Variants in GCFC2 observed in about 807,000 individuals in gnomAD.
GCFC2 encodes GC-rich sequence DNA-binding factor 2, also known as intron Large complex component GCFC2.
A neutral mutation model predicts 99.4 loss-of-function variants in GCFC2; 102 were observed. That is an observed-to-expected ratio of 1.03 (90% CI 0.87 to 1.21). The LOEUF (loss-of-function observed/expected upper bound fraction) is 1.21, where lower values mean the gene tolerates loss of function less well. Among genes scored for constraint, GCFC2 ranks in the 50% most tolerant of loss-of-function variants. GCFC2 has a pLI of 0.00. For missense variants in GCFC2, 973 were observed against 920.9 expected (o/e 1.06, Z -0.73); for synonymous variants, 338 against 316.8 (o/e 1.07, Z -0.71).
chr2:75,679,121 C>T (rs1679464158), intron 12 of GCFC2, among the ~76,000 whole-genome samples: 1 of 152,200 alleles, frequency 6.6e-6, no homozygotes, highest in African/African-American at 2.4e-5. Flanking sequence ...TTTTCACTTC[C>T]AGTTTTAAGT....
At chr2:75,713,061 A>AT (rs927250284), upstream of GCFC2, among the ~76,000 whole-genome samples, 1 of 151,628 alleles carries the variant, frequency 6.6e-6, no homozygotes, top group Non-Finnish European at 1.5e-5. Flanking sequence ...TAGCCCCGGA[A>AT]TTTTTTTTTC....
chr2:75,673,437 C>T lies in GCFC2; in HGVS notation c.1889+7G>A, dbSNP rs192144643. On this transcript the variant is annotated splice_region_variant and intron_variant, in intron 13 of 16. Transcript: ENST00000321027. ...TTTCCAACAATCTAGAAATTAACAG[C>T]GCTTACCTCTTTGGATACAGAGGAA... 2.8e-4 allele frequency: 344 copies of T among 1,239,638 alleles called. No individual in the cohort carries two copies. Among genetic ancestry groups the T allele is most frequent in the Non-Finnish European group, 3.9e-4 (325 of 840,328 alleles). The allele number at this position is 1,239,638 out of a possible 1,614,324, so 76.8% of individuals were successfully genotyped here. A position where few individuals can be genotyped will look rare whatever the true frequency, so the allele number is the denominator to read the frequency against.
chr2:75,673,655 C>A, intron 12 of GCFC2, 135 bp from the exon 13 acceptor site: 1 of 603,170 alleles, frequency 1.7e-6, no homozygotes, highest in Non-Finnish European at 3.0e-6. Context: ...CAATTGGGTA[C>A]AAAAAAAACC....
Position 75,690,665 on chromosome 2 carries a change from C to G in GCFC2, c.1199G>C (p.Trp400Ser), listed in dbSNP as rs1290310150. Residue 400 changes from tryptophan to serine, a missense_variant, in exon 8 of 17, where the codon TGG becomes TCG. Trp to Ser is a radical substitution (Grantham distance 177). Transcript: ENST00000321027. ...TCGAGATTCAATCTCTTCTAAAATC[C>G]ACTGAGTTTTTTCATCTACTGAGAA... ...GNFSVDEKTQ[W>S]ILEEIESRRT... is the part of the protein sequence containing the mutation. 1.3e-6 allele frequency: 2 copies of G among 1,552,148 alleles called. No individual in the cohort carries two copies. The highest frequency in any genetic ancestry group is 1.8e-6 in the Non-Finnish European group (2 of 1,128,444).
chr2:75,673,183 G>A (rs191354792), intron 13 of GCFC2, among the ~76,000 whole-genome samples: 1,544 of 152,178 alleles, frequency 0.01, 13 homozygotes, highest in Non-Finnish European at 0.014. Flanking sequence ...GGTGGCGGGC[G>A]CCTGTAGTCC....
intron 5 of GCFC2, among the ~76,000 whole-genome samples, chr2:75,695,806 G>C (rs1322294603): frequency 6.6e-6 from 1 of 152,218 alleles, no homozygotes; most frequent in African/African-American, 2.4e-5. Context: ...CTAACAGGCT[G>C]CTGGCTTACA....
Position 75,666,055 on chromosome 2 carries a change from T to A in GCFC2, c.2104-2A>T. ...TTTTTCTGGTAGACATGCTGCTACC[T>A]GTTAATCAAAACACATGGCTGGTTT... On this transcript the variant is annotated splice_acceptor_variant, in intron 15 of 16. Transcript: ENST00000321027. LOFTEE classifies it high-confidence loss of function. The A allele has an allele frequency of 6.3e-7, 1 of 1,599,954 alleles. No homozygotes were observed. Among genetic ancestry groups the A allele is most frequent in the South Asian group, 1.1e-5 (1 of 88,564 alleles).
intron 12 of GCFC2, among the ~76,000 whole-genome samples, chr2:75,678,240 T>C (rs79487373): frequency 0.01 from 1,538 of 152,318 alleles, 15 homozygotes; most frequent in South Asian, 0.029. Context: ...CAATACTATA[T>C]GGAAAGCAAA....
At chr2:75,709,405 G>A (rs530408468) in intron 1 of GCFC2, among the ~76,000 whole-genome samples, 1 of 152,280 alleles carries the variant, frequency 6.6e-6, no homozygotes, top group Admixed American at 6.5e-5. Context: ...AAGAAATCAC[G>A]AAGATCATAA....
At chr2:75,671,036 C>G (rs955336204) in intron 14 of GCFC2, among the ~76,000 whole-genome samples, 3 of 152,196 alleles carry the variant, frequency 2.0e-5, no homozygotes, top group African/African-American at 7.2e-5. Flanking sequence ...CTATATCCTT[C>G]TAATTGTCAA....
intron 16 of GCFC2, 84 bp downstream of exon 16, chr2:75,665,845 A>G: frequency 1.2e-6 from 1 of 852,112 alleles, no homozygotes; most frequent in South Asian, 2.6e-5. Flanking sequence ...AGTACAGTAA[A>G]AATACAAATC....
rs543394600 is a variant in GCFC2, at chr2:75,667,037, C to T, written c.2104-984G>A. Among the ~76,000 whole-genome samples the T allele has an allele frequency of 3.9e-4, 59 of 152,230 alleles. 1 individual carries two copies. The South Asian group carries it at 4.8e-3, about 12-fold the overall frequency. On this transcript the variant is annotated intron_variant, in intron 15 of 16. Coordinates refer to ENST00000321027, the MANE Select transcript of GCFC2 (RefSeq NM_003203.5). The stretch of plus-strand genomic sequence containing the variant: ...GGGACTAGGGTCTGGAAAGCTTTCT[C>T]GAGAGTCTTGGAAAGTTTCTTAATC...
At chr2:75,678,664 C>A (rs1679447981) in intron 12 of GCFC2, among the ~76,000 whole-genome samples, 1 of 152,190 alleles carries the variant, frequency 6.6e-6, no homozygotes, top group South Asian at 2.1e-4. Context: ...TAGAGGCAGA[C>A]TATCCAAGTT....
Position 75,695,423 on chromosome 2 carries a change from G to GT in GCFC2, c.833+776dup, listed in dbSNP as rs562946903. Among the ~76,000 whole-genome samples the GT allele has an allele frequency of 1.5e-3, 234 of 152,088 alleles. 2 individuals are homozygous for GT. Among genetic ancestry groups the GT allele is most frequent in the Non-Finnish European group, 2.7e-3 (183 of 67,988 alleles). On this transcript the variant is annotated intron_variant, in intron 5 of 16. Coordinates refer to ENST00000321027, the MANE Select transcript of GCFC2 (RefSeq NM_003203.5). Reference sequence around the variant, plus strand: ...AACAACTATATGGACAAACATGATAGTTTTTTTAAAAAAATTAAAGGCTTT... The same window carrying GT: ...AACAACTATATGGACAAACATGATAGTTTTTTTTAAAAAAATTAAAGGCTTT...
intron 3 of GCFC2, 104 bp from the exon 4 acceptor site, chr2:75,701,391 G>T (rs559163316): frequency 3.1e-6 from 2 of 649,824 alleles, no homozygotes; most frequent in South Asian, 1.9e-5. Flanking sequence ...ACCACTTGAC[G>T]TGTTATTTAT....
chr2:75,694,886 C>A (rs532753408), intron 5 of GCFC2, among the ~76,000 whole-genome samples: 1 of 151,884 alleles, frequency 6.6e-6, no homozygotes, highest in East Asian at 1.9e-4. Flanking sequence ...TACATATAGA[C>A]CACTTCTGGA....
Position 75,687,931 on chromosome 2 carries a change from T to C in GCFC2, c.1586A>G (p.Glu529Gly). Residue 529 changes from glutamate (E) to glycine (G), a missense_variant, in exon 11 of 17, where the codon GAA becomes GGA. Physicochemically the swap from Glu to Gly is moderately conservative, Grantham distance 98 (BLOSUM62 -2). Coordinates refer to ENST00000321027, the MANE Select transcript of GCFC2 (RefSeq NM_003203.5). ...TTCCACACTGCTATCCATAAATTCT[T>C]CTACAGATTTGAACCATGGCATCTC... is the stretch of plus-strand genomic sequence containing the variant. ...LKEMPWFKSVEEFMDSSVEDS... is the reference protein window; with the variant it reads ...LKEMPWFKSVGEFMDSSVEDS... 6.2e-7 allele frequency: 1 copy of C among 1,602,424 alleles called. No homozygotes were observed. Among genetic ancestry groups the C allele is most frequent in the East Asian group, 2.2e-5 (1 of 44,730 alleles).
chr2:75,675,741 C>CAAAAA (rs1206357027), intron 12 of GCFC2, among the ~76,000 whole-genome samples: 6 of 70,280 alleles, frequency 8.5e-5, no homozygotes, highest in Non-Finnish European at 1.1e-4. Flanking sequence ...AAGGTTCTGT[C>CAAAAA]AAAAAAAAAA....
chr2:75,667,284 G>C (rs1309167764), intron 15 of GCFC2, among the ~76,000 whole-genome samples: 1 of 151,446 alleles, frequency 6.6e-6, no homozygotes, highest in East Asian at 1.9e-4. Flanking sequence ...ATGGAAACCT[G>C]GCCTGTCACA....
Sources: gnomAD v4.1 joint callset for allele counts (sites outside exome capture counted in the v4.1 genomes callset) on GRCh38, gnomAD v4.1.1 for gene constraint, MANE v1.5 for transcripts, NCBI Gene and HGNC (gene_info 2026-07-23, HGNC 2026-07-21) for gene names.